Variants in LAMA2 observed in about 807,000 individuals in gnomAD.
LAMA2 encodes laminin subunit alpha-2.
Under a neutral mutation model 364.8 loss-of-function variants are expected in LAMA2, and 269 were observed. The observed-to-expected ratio is 0.74, with a 90% confidence interval of 0.67 to 0.82. LAMA2 has a LOEUF of 0.82. Among genes scored for constraint, LAMA2 ranks in the 40% least tolerant of loss-of-function variants. LAMA2 has a pLI of 0.00. For missense variants in LAMA2, 3,807 were observed against 3,873.2 expected (o/e 0.98, Z 0.45); for synonymous variants, 1,379 against 1,370.6 (o/e 1.01, Z -0.14).
chr6:129,052,773 T>C (rs759109322), intron 2 of LAMA2, among the ~76,000 whole-genome samples: 11 of 152,128 alleles, frequency 7.2e-5, no homozygotes, highest in Non-Finnish European at 1.5e-4. Context: ...TTTTTTAAAT[T>C]ATAAAATGTA....
rs144885272 is a variant in LAMA2 at position 129,475,215 on chromosome 6, G to A, written c.7440-175G>A. 2.4e-3 allele frequency among the ~76,000 whole-genome samples: 366 copies of A among 151,724 alleles called. 1 individual carries two copies. The highest frequency in any genetic ancestry group is 0.014 in the Middle Eastern group (4 of 294). Reference sequence around the variant, plus strand: ...GATTCTAATTTCACTGCCGTCAAGGGTATAAGTCTATTTTTAGTTCTATTG... The same window carrying A: ...GATTCTAATTTCACTGCCGTCAAGGATATAAGTCTATTTTTAGTTCTATTG... On this transcript the variant is annotated intron_variant, in intron 52 of 64. Transcript: ENST00000421865.
chr6:129,388,190 C>T (rs895364656), intron 35 of LAMA2, among the ~76,000 whole-genome samples: 7 of 150,594 alleles, frequency 4.6e-5, no homozygotes, highest in South Asian at 2.1e-4. Flanking sequence ...CCAGGAGGTG[C>T]GGTCGCAGTG....
intron 1 of LAMA2, among the ~76,000 whole-genome samples, chr6:128,886,718 T>C (rs34805871): frequency 0.028 from 4,231 of 152,234 alleles, 77 homozygotes; most frequent in Non-Finnish European, 0.038. Context: ...GGTGGATCCA[T>C]AGAAGAACAT....
chr6:129,170,112 A>G (rs1469503753), intron 9 of LAMA2, among the ~76,000 whole-genome samples: 1 of 151,522 alleles, frequency 6.6e-6, no homozygotes, highest in African/African-American at 2.4e-5. Context: ...TCAAAAAACC[A>G]GCTCCTGGAT....
chr6:129,322,376 A>T (rs1260433046), intron 28 of LAMA2, among the ~76,000 whole-genome samples: 1 of 152,210 alleles, frequency 6.6e-6, no homozygotes, highest in Non-Finnish European at 1.5e-5. Flanking sequence ...GGCACATATG[A>T]AATGAGTGAC....
At chr6:129,295,941 CT>C (rs1280075883) in intron 20 of LAMA2, among the ~76,000 whole-genome samples, 1 of 151,472 alleles carries the variant, frequency 6.6e-6, no homozygotes, top group Non-Finnish European at 1.5e-5. Context: ...TATGTTTAGT[CT>C]TTTTGTCTAT....
At chr6:129,270,266 TACACACACACACACACACAC>T (rs10522614) in intron 16 of LAMA2, among the ~76,000 whole-genome samples, 10 of 143,034 alleles carry the variant, frequency 7.0e-5, no homozygotes, top group African/African-American at 1.1e-4. Context: ...GCTCTATGAC[TACACACACACACACACACAC>T]ACACACACAC....
intron 1 of LAMA2, among the ~76,000 whole-genome samples, chr6:128,964,016 C>T (rs527926262): frequency 8.4e-4 from 128 of 152,014 alleles, no homozygotes; most frequent in Non-Finnish European, 9.3e-4. Flanking sequence ...ATATGCTGAT[C>T]GCCTTTCATG....
chr6:129,509,847 G>C (rs1388895003), intron 62 of LAMA2, among the ~76,000 whole-genome samples: 2 of 151,974 alleles, frequency 1.3e-5, no homozygotes, highest in African/African-American at 4.8e-5. Context: ...GGTTTCATAT[G>C]AATTTTAGGA....
chr6:129,037,101 T>C (rs1786695228), intron 1 of LAMA2, among the ~76,000 whole-genome samples: 1 of 152,246 alleles, frequency 6.6e-6, no homozygotes, highest in African/African-American at 2.4e-5. Context: ...TTTAAATTGG[T>C]GTATTCTCTT....
intron 1 of LAMA2, among the ~76,000 whole-genome samples, chr6:128,949,562 A>T (rs1780684100): frequency 6.6e-6 from 1 of 152,190 alleles, no homozygotes; most frequent in Non-Finnish European, 1.5e-5. Flanking sequence ...AGGAAGAAAG[A>T]AAGGAGGAGA....
At chr6:128,995,338 T>C (rs1783861386) in intron 1 of LAMA2, among the ~76,000 whole-genome samples, 1 of 152,332 alleles carries the variant, frequency 6.6e-6, no homozygotes, top group South Asian at 2.1e-4. Flanking sequence ...CAGTTTTGTT[T>C]TGAGACAAAG....
intron 12 of LAMA2, among the ~76,000 whole-genome samples, chr6:129,240,068 T>C (rs1354568232): frequency 6.6e-6 from 1 of 152,110 alleles, no homozygotes; most frequent in East Asian, 1.9e-4. Flanking sequence ...AAATTACTGG[T>C]GTAAGTGCAA....
intron 54 of LAMA2, 40 bp from the exon 55 acceptor site, chr6:129,481,223 A>G: frequency 6.5e-7 from 1 of 1,549,920 alleles, no homozygotes; most frequent in African/African-American, 1.4e-5. Flanking sequence ...TTAAATTTTC[A>G]TTTCTAATGG....
At chr6:129,009,851 ATGACGGG>A (rs1784657691) in intron 1 of LAMA2, among the ~76,000 whole-genome samples, 1 of 152,146 alleles carries the variant, frequency 6.6e-6, no homozygotes, top group South Asian at 2.1e-4. Context: ...AACAATTATC[ATGACGGG>A]AGTATGCTTT....
chr6:129,013,622 G>A (rs1433232586), intron 1 of LAMA2, among the ~76,000 whole-genome samples: 1 of 152,006 alleles, frequency 6.6e-6, no homozygotes, highest in African/African-American at 2.4e-5. Context: ...AGGTGGACAG[G>A]GACCAGAACA....
At chr6:129,021,386 T>C (rs1328374005) in intron 1 of LAMA2, among the ~76,000 whole-genome samples, 1 of 152,246 alleles carries the variant, frequency 6.6e-6, no homozygotes, top group Non-Finnish European at 1.5e-5. Flanking sequence ...AATTAGCCTT[T>C]CATTGATTTC....
At chr6:129,263,722 T>G (rs1787299710) in intron 15 of LAMA2, among the ~76,000 whole-genome samples, 2 of 152,152 alleles carry the variant, frequency 1.3e-5, no homozygotes, top group South Asian at 4.1e-4. Flanking sequence ...GTAATCTGAT[T>G]TACATTTTTG....
At chr6:129,161,397 T>C (rs1779432066) in intron 8 of LAMA2, among the ~76,000 whole-genome samples, 1 of 152,182 alleles carries the variant, frequency 6.6e-6, no homozygotes, top group Non-Finnish European at 1.5e-5. Context: ...TTGCTATTTG[T>C]TTCCCATTTG....
Sources: allele counts gnomAD v4.1 joint callset (sites outside exome capture counted in the v4.1 genomes callset), GRCh38; gene constraint gnomAD v4.1.1; transcripts MANE v1.5; gene names NCBI Gene and HGNC (gene_info 2026-07-23, HGNC 2026-07-21).